ZNF385D: variants seen among roughly 807,000 people sequenced by gnomAD.
ZNF385D encodes zinc finger protein 659.
In ZNF385D, 15 loss-of-function variants were observed where a neutral mutation model predicts 35.8. The ratio of observed to expected loss-of-function variants is 0.42; its 90% confidence interval spans 0.28 to 0.64. The LOEUF (loss-of-function observed/expected upper bound fraction) is 0.64. Ranked by LOEUF, ZNF385D falls within the 30% of genes least tolerant of loss-of-function variation. ZNF385D has a pLI of 0.23. For synonymous variants in ZNF385D, 212 were observed against 186.8 expected, an observed-to-expected ratio of 1.13 and a Z score of -1.10; for missense variants, 474 against 494.6, an observed-to-expected ratio of 0.96 and a Z score of 0.39.
chr3:21,861,068 C>T (rs553849069), intron 3 of ZNF385D, among the ~76,000 whole-genome samples: 67 of 152,200 alleles, frequency 4.4e-4, no homozygotes, highest in African/African-American at 1.5e-3. Flanking sequence ...ACAGTTTAAG[C>T]GTTATCCACT....
At chr3:21,523,314 A>C (rs1319939909) in intron 3 of ZNF385D, among the ~76,000 whole-genome samples, 1 of 152,214 alleles carries the variant, frequency 6.6e-6, no homozygotes, top group Non-Finnish European at 1.5e-5. Context: ...TAACTCCAGA[A>C]ACCAAACTTG....
intron 3 of ZNF385D, among the ~76,000 whole-genome samples, chr3:22,073,292 G>T (rs1351022051): frequency 1.3e-5 from 2 of 149,894 alleles, no homozygotes; most frequent in Non-Finnish European, 1.5e-5. Flanking sequence ...AATTACTTTA[G>T]GTTAAAATTA....
At chr3:22,060,300 G>C (rs1699626404) in intron 3 of ZNF385D, among the ~76,000 whole-genome samples, 2 of 152,006 alleles carry the variant, frequency 1.3e-5, no homozygotes, top group African/African-American at 4.8e-5. Context: ...ATACCCTATT[G>C]GTTCTGTTTC....
At chr3:21,438,030 A>G (rs1293757965) in intron 4 of ZNF385D, among the ~76,000 whole-genome samples, 2 of 152,076 alleles carry the variant, frequency 1.3e-5, no homozygotes, top group Non-Finnish European at 2.9e-5. Flanking sequence ...TAACTCTACA[A>G]CCCTTCTGGC....
At chr3:21,731,391 C>G (rs1006401573) in intron 1 of ZNF385D, among the ~76,000 whole-genome samples, 15 of 152,204 alleles carry the variant, frequency 9.9e-5, no homozygotes, top group Admixed American at 4.6e-4. Flanking sequence ...AATGGGTAAG[C>G]ACAGAGTTCT....
At chr3:22,097,064 A>T (rs1008515235) in intron 3 of ZNF385D, among the ~76,000 whole-genome samples, 4 of 152,046 alleles carry the variant, frequency 2.6e-5, no homozygotes, top group African/African-American at 9.7e-5. Context: ...TGACTGCATT[A>T]TCTTGTCAGC....
intron 3 of ZNF385D, among the ~76,000 whole-genome samples, chr3:22,037,474 A>T: frequency 6.6e-6 from 1 of 151,864 alleles, no homozygotes; most frequent in African/African-American, 2.4e-5. Flanking sequence ...GATGATGAGC[A>T]TTTTTTCACG....
intron 2 of ZNF385D, among the ~76,000 whole-genome samples, chr3:21,592,555 A>AG (rs1553619273): frequency 9.9e-6 from 1 of 100,580 alleles, no homozygotes; most frequent in Non-Finnish European, 2.1e-5. Context: ...AAAAAAAAAA[A>AG]CCAAAAACAA....
At chr3:21,570,848 T>G (rs2063314223) in intron 2 of ZNF385D, among the ~76,000 whole-genome samples, 1 of 152,210 alleles carries the variant, frequency 6.6e-6, no homozygotes, top group South Asian at 2.1e-4. Flanking sequence ...CAGTATGAAG[T>G]GACACTGAGT....
chr3:21,498,575 T>C (rs1272463230), intron 4 of ZNF385D, among the ~76,000 whole-genome samples: 1 of 97,766 alleles, frequency 1.0e-5, no homozygotes, highest in Non-Finnish European at 2.0e-5. Context: ...AAAGAAGACA[T>C]ACACATGGCC....
intron 3 of ZNF385D, among the ~76,000 whole-genome samples, chr3:22,107,103 C>A (rs1170791816): frequency 2.1e-5 from 3 of 144,256 alleles, no homozygotes; most frequent in African/African-American, 7.6e-5. Context: ...TGGTTCACCA[C>A]AACCTCCACC....
chr3:21,486,410 A>G (rs990680664), intron 4 of ZNF385D, among the ~76,000 whole-genome samples: 1 of 152,078 alleles, frequency 6.6e-6, no homozygotes, highest in Admixed American at 6.6e-5. Context: ...TACCTGATAA[A>G]GGCTCACATC....
intron 3 of ZNF385D, among the ~76,000 whole-genome samples, chr3:21,525,684 C>CAAAAAAA (rs11308733): frequency 1.1e-5 from 1 of 88,414 alleles, no homozygotes; most frequent in Non-Finnish European, 2.2e-5. Flanking sequence ...AATTCCATCT[C>CAAAAAAA]AAAAAAAAAA....
intron 2 of ZNF385D, among the ~76,000 whole-genome samples, chr3:22,304,217 C>T (rs2125416174): frequency 6.6e-6 from 1 of 152,248 alleles, no homozygotes; most frequent in African/African-American, 2.4e-5. Flanking sequence ...TCCCTGTATG[C>T]ATTTTCTAAT....
intron 3 of ZNF385D, among the ~76,000 whole-genome samples, chr3:21,831,475 C>G (rs548061659): frequency 2.0e-5 from 3 of 152,268 alleles, no homozygotes; most frequent in Non-Finnish European, 4.4e-5. Context: ...ATAAGAAATC[C>G]TTAGCTTTGT....
At chr3:21,443,221 A>G in intron 4 of ZNF385D, 1 of 985,316 alleles carries the variant, frequency 1.0e-6, no homozygotes, top group Non-Finnish European at 1.2e-6. Context: ...GGCTTTGGGC[A>G]CTGCTTCCGC....
At chr3:21,726,143 ACT>A (rs2068755125) in intron 1 of ZNF385D, among the ~76,000 whole-genome samples, 6 of 151,992 alleles carry the variant, frequency 3.9e-5, no homozygotes, top group Admixed American at 3.3e-4. Flanking sequence ...CATGCTAAAA[ACT>A]CTCAATAAAC....
intron 3 of ZNF385D, among the ~76,000 whole-genome samples, chr3:21,957,981 A>G (rs562396072): frequency 1.3e-5 from 2 of 152,266 alleles, no homozygotes; most frequent in East Asian, 3.9e-4. Context: ...TATTCACATC[A>G]GCACCCTGCT....
intron 2 of ZNF385D, among the ~76,000 whole-genome samples, chr3:22,209,442 T>C (rs1484854073): frequency 1.3e-5 from 2 of 151,904 alleles, no homozygotes; most frequent in Non-Finnish European, 2.9e-5. Context: ...TACATTTTAT[T>C]ATTAATGATT....
Sources: gnomAD v4.1 joint callset for allele counts (sites outside exome capture counted in the v4.1 genomes callset) on GRCh38, gnomAD v4.1.1 for gene constraint, MANE v1.5 for transcripts, NCBI Gene and HGNC (gene_info 2026-07-23, HGNC 2026-07-21) for gene names.